The following SEC23A variants were observed in gnomAD, a reference collection of about 807,000 sequenced individuals.
SEC23A encodes the protein SEC23 homolog A, COPII component, also known as protein transport protein Sec23A.
SEC23A carries 56 observed loss-of-function variants against 103.7 expected under a neutral mutation model. That is an observed-to-expected ratio of 0.54 (90% CI 0.44 to 0.67). The LOEUF (loss-of-function observed/expected upper bound fraction) is 0.67. Ranked by LOEUF, SEC23A falls within the 30% of genes least tolerant of loss-of-function variation. SEC23A has a pLI of 0.00. For synonymous variants in SEC23A, 281 were observed against 293.0 expected (o/e 0.96, Z 0.42); for missense variants, 784 against 936.4 (o/e 0.84, Z 2.12).
rs150482375 is a variant in SEC23A at position 39,092,484 on chromosome 14, C to T, written c.366+57G>A. On this transcript the variant is annotated intron_variant, in intron 4 of 19. Coordinates refer to ENST00000307712, the MANE Select transcript of SEC23A (RefSeq NM_006364.4). ...TTCCTTCTAAATCATCATAATTTAA[C>T]AATTCTTTCAGTATAAATTTTAAAA... 7.5e-5 allele frequency: 72 copies of T among 966,222 alleles called. No individual in the cohort carries two copies. The African/African-American group carries it at 1.1e-3, about 14-fold the overall frequency. 59.9% of individuals were successfully genotyped at this position (966,222 alleles called of 1,614,324 possible).
intron 17 of SEC23A, 38 bp downstream of exon 17, chr14:39,042,748 C>T (rs1885689569): frequency 1.5e-6 from 2 of 1,319,366 alleles, no homozygotes; most frequent in Non-Finnish European, 2.2e-6. Context: ...AGTAAAAAGA[C>T]TTTACATGCA....
intron 13 of SEC23A, among the ~76,000 whole-genome samples, chr14:39,060,747 TTG>T (rs1205671376): frequency 3.9e-5 from 6 of 152,368 alleles, no homozygotes; most frequent in African/African-American, 1.4e-4. Context: ...GTTAAATTTG[TTG>T]TCTCTGCAAA....
rs1885615769 is a variant in SEC23A at position 39,040,907 on chromosome 14, A to G, written c.1987-20T>C. The G allele has an allele frequency of 2.5e-6, 4 of 1,596,994 alleles. No individual in the cohort carries two copies. Among genetic ancestry groups the G allele is most frequent in the Non-Finnish European group, 1.7e-6 (2 of 1,171,670 alleles). On this transcript the variant is annotated intron_variant, in intron 17 of 19. Transcript: ENST00000307712. The stretch of plus-strand genomic sequence containing the variant: ...TATGGTCTAATTTTAAAACAATTAA[A>G]GAAATTACTTTAAATTTCTTGCCCA...
intron 14 of SEC23A, among the ~76,000 whole-genome samples, chr14:39,052,469 T>C (rs1409193788): frequency 6.6e-6 from 1 of 152,072 alleles, no homozygotes; most frequent in Non-Finnish European, 1.5e-5. Context: ...ACAAGGGACA[T>C]ACAAAAAAAA....
At chr14:39,056,118 G>A (rs145136905) in intron 13 of SEC23A, among the ~76,000 whole-genome samples, 4 of 152,190 alleles carry the variant, frequency 2.6e-5, no homozygotes, top group African/African-American at 4.8e-5. Flanking sequence ...ATGAGCTTTC[G>A]TGCCACTACG....
rs1336664703 is a variant in SEC23A at position 39,094,257 on chromosome 14, TATATATGCATATATACACATATACAC to T, written c.222-1039_222-1014del. ...ATATATGCATATATACACATATACA[TATATATGCATATATACACATATACAC>T]ATATATATGCATATATACACATATA... On this transcript the variant is annotated intron_variant, in intron 2 of 19. Coordinates refer to ENST00000307712, the MANE Select transcript of SEC23A (RefSeq NM_006364.4). Among the ~76,000 whole-genome samples the T allele has an allele frequency of 3.4e-3, 337 of 100,182 alleles. 19 individuals carry two copies. The highest frequency in any genetic ancestry group is 0.011 in the African/African-American group (307 of 28,852). 65.7% of individuals were successfully genotyped at this position (100,182 alleles called of 152,430 possible).
intron 13 of SEC23A, among the ~76,000 whole-genome samples, chr14:39,055,647 A>G (rs1168483460): frequency 1.3e-5 from 2 of 152,302 alleles, no homozygotes; most frequent in East Asian, 3.9e-4. Flanking sequence ...AGAAGGAAAC[A>G]AGCTTTAGGT....
chr14:39,072,282 C>CATA (rs2139245954), intron 9 of SEC23A, among the ~76,000 whole-genome samples: 1 of 151,472 alleles, frequency 6.6e-6, no homozygotes, highest in South Asian at 2.1e-4. Flanking sequence ...ATCTGTAAGT[C>CATA]ATATATCTGA....
rs977138986 is a variant in SEC23A, at chr14:39,102,084, T to G, written c.-22+948A>C. 4.6e-5 allele frequency among the ~76,000 whole-genome samples: 7 copies of G among 152,166 alleles called. No individual in the cohort carries two copies. In the South Asian group the frequency reaches 1.0e-3, roughly 23 times the overall value. On this transcript the variant is annotated intron_variant, in intron 1 of 19. Coordinates refer to ENST00000307712, the MANE Select transcript of SEC23A (RefSeq NM_006364.4). The stretch of plus-strand genomic sequence containing the variant: ...CCGTCTCTACTAAAGATACAAAAAT[T>G]AGCCGGGCATAGTAGCTCGCCCCTG...
chr14:39,080,815 TAA>T (rs1222672889), intron 7 of SEC23A, among the ~76,000 whole-genome samples: 3 of 151,974 alleles, frequency 2.0e-5, no homozygotes, highest in Non-Finnish European at 2.9e-5. Flanking sequence ...AAAATACATA[TAA>T]AGAGGGCCTA....
Position 39,067,184 on chromosome 14 carries a change from G to C in SEC23A, c.1216C>G (p.Leu406Val), listed in dbSNP as rs781694918. 2.5e-6 allele frequency: 4 copies of C among 1,613,610 alleles called. No homozygotes were observed. Among genetic ancestry groups the C allele is most frequent in the Non-Finnish European group, 3.4e-6 (4 of 1,179,830 alleles). The stretch of plus-strand genomic sequence containing the variant: ...GTTTTGGTTCTTACCTTTATTTCTA[G>C]CGTACCACCAAAGCCCATTTTAAAC... ...GQFKMGFGGT[L>V]EIKTSREIKI... Residue 406 changes from leucine to valine, a missense_variant, in exon 10 of 20, where the codon CTA becomes GTA. Coordinates refer to ENST00000307712, the MANE Select transcript of SEC23A (RefSeq NM_006364.4).
intron 4 of SEC23A, 70 bp downstream of exon 4, chr14:39,092,471 C>A: frequency 1.1e-6 from 1 of 913,448 alleles, no homozygotes. Flanking sequence ...CCTTCTAAAT[C>A]ATCATAATTT....
At chr14:39,061,698 T>C in intron 13 of SEC23A, 67 bp downstream of exon 13, 1 of 1,040,604 alleles carries the variant, frequency 9.6e-7, no homozygotes. Flanking sequence ...AAAATAGGAA[T>C]CCAGTTTGGA....
intron 18 of SEC23A, chr14:39,040,459 G>C (rs1450850604): frequency 6.4e-6 from 3 of 469,274 alleles, no homozygotes; most frequent in Admixed American, 3.6e-5. Context: ...ACCAAAGCTA[G>C]TATACCACCA....
At position 39,039,112 on chromosome 14, in the gene SEC23A, G is replaced by A. The variant is rs1885553736; in HGVS notation, c.2143-16C>T. 2 of 1,606,988 alleles carry A rather than the reference G, an allele frequency of 1.2e-6. No individual in the cohort carries two copies. The highest frequency in any genetic ancestry group is 2.2e-5 in the South Asian group (2 of 90,802). ...GGAAACGGGCCTTAAAAGCAAAGAA[G>A]AAATAACATTATCCATCAAAAATGG... On this transcript the variant is annotated splice_polypyrimidine_tract_variant and intron_variant, in intron 18 of 19. Coordinates refer to ENST00000307712, the MANE Select transcript of SEC23A (RefSeq NM_006364.4).
At chr14:39,101,022 T>G (rs1186939613) in intron 1 of SEC23A, among the ~76,000 whole-genome samples, 2 of 151,718 alleles carry the variant, frequency 1.3e-5, no homozygotes, top group Non-Finnish European at 1.5e-5. Context: ...TTTTGTATTT[T>G]TAGTAGAGAT....
intron 5 of SEC23A, chr14:39,091,251 T>C (rs1424363426): frequency 1.3e-5 from 7 of 526,442 alleles, no homozygotes; most frequent in Non-Finnish European, 2.4e-5. Flanking sequence ...TGGTTTGACT[T>C]TAAATTTTAA....
At chr14:39,071,575 A>T (rs1011273925) in intron 9 of SEC23A, among the ~76,000 whole-genome samples, 2 of 151,976 alleles carry the variant, frequency 1.3e-5, no homozygotes, top group East Asian at 1.9e-4. Context: ...AAAATTTTTT[A>T]AAATCAAGGC....
At chr14:39,047,207 G>C (rs1278834631) in intron 15 of SEC23A, among the ~76,000 whole-genome samples, 1 of 152,198 alleles carries the variant, frequency 6.6e-6, no homozygotes, top group Non-Finnish European at 1.5e-5. Context: ...AGATGGAAAT[G>C]TCCAGATCTC....
Sources: allele counts gnomAD v4.1 joint callset (sites outside exome capture counted in the v4.1 genomes callset), GRCh38; gene constraint gnomAD v4.1.1; transcripts MANE v1.5; gene names NCBI Gene and HGNC (gene_info 2026-07-23, HGNC 2026-07-21).